KIF6: variants seen among roughly 807,000 people sequenced by gnomAD.
The protein encoded by KIF6 is kinesin family member 6.
KIF6 carries 106 observed loss-of-function variants against 112.7 expected under a neutral mutation model. That is an observed-to-expected ratio of 0.94 (90% CI 0.80 to 1.11). KIF6 has a LOEUF of 1.11. Ranked by LOEUF, KIF6 falls within the 50% of genes least tolerant of loss-of-function variation. The pLI, the probability that KIF6 is intolerant of heterozygous loss-of-function variation, is 0.00. For missense variants in KIF6, 929 were observed against 964.0 expected (o/e 0.96, Z 0.48); for synonymous variants, 339 against 339.9 (o/e 1.00, Z 0.03).
chr6:39,496,190 T>C (rs538288912), intron 13 of KIF6, among the ~76,000 whole-genome samples: 1 of 152,174 alleles, frequency 6.6e-6, no homozygotes, highest in Non-Finnish European at 1.5e-5. Context: ...GTGCCCACTA[T>C]CTACCGACAG....
chr6:39,545,819 G>A, intron 10 of KIF6, 131 bp from the exon 11 acceptor site: 2 of 540,322 alleles, frequency 3.7e-6, no homozygotes, highest in Non-Finnish European at 6.5e-6. Context: ...ACAGATTTGA[G>A]TATAAAAATT....
At chr6:39,679,748 T>G (rs1787396402) in intron 3 of KIF6, among the ~76,000 whole-genome samples, 2 of 151,256 alleles carry the variant, frequency 1.3e-5, no homozygotes, top group African/African-American at 4.9e-5. Flanking sequence ...CCCGAGTAGC[T>G]GGGACTACAG....
chr6:39,486,599 C>T (rs1775128820), intron 13 of KIF6, among the ~76,000 whole-genome samples: 1 of 152,206 alleles, frequency 6.6e-6, no homozygotes, highest in South Asian at 2.1e-4. Flanking sequence ...GAACAGTGTT[C>T]ATCAAATTTT....
intron 10 of KIF6, among the ~76,000 whole-genome samples, chr6:39,576,932 A>G (rs1038773183): frequency 1.2e-4 from 19 of 152,238 alleles, no homozygotes; most frequent in African/African-American, 4.6e-4. Flanking sequence ...TTCAAAGACA[A>G]TAATTGGTAA....
At chr6:39,414,167 T>A (rs1057205595) in intron 15 of KIF6, among the ~76,000 whole-genome samples, 5 of 152,202 alleles carry the variant, frequency 3.3e-5, no homozygotes, top group African/African-American at 1.2e-4. Flanking sequence ...ACATTTTGAT[T>A]TTCTGGTCCC....
intron 13 of KIF6, among the ~76,000 whole-genome samples, chr6:39,464,248 C>T (rs976660734): frequency 2.0e-5 from 3 of 152,152 alleles, no homozygotes; most frequent in Middle Eastern, 3.4e-3. Context: ...TATGTTGGCC[C>T]GGCTTTGATT....
At position 39,653,849 on chromosome 6, in the gene KIF6, T is replaced by C. The variant is rs549606088; in HGVS notation, c.252-14092A>G. Reference sequence around the variant, plus strand: ...GTAGTTTCATAGACTTCTCTGGGCATAAAGCTGGGAATGTGGTCCTCTGAA... The same window carrying C: ...GTAGTTTCATAGACTTCTCTGGGCACAAAGCTGGGAATGTGGTCCTCTGAA... On this transcript the variant is annotated intron_variant, in intron 3 of 22. Coordinates refer to ENST00000287152, the MANE Select transcript of KIF6 (RefSeq NM_145027.6). Among the ~76,000 whole-genome samples, 8 of 152,288 alleles carry C rather than the reference T, an allele frequency of 5.3e-5. 1 individual carries two copies. The South Asian group carries it at 1.7e-3, about 32-fold the overall frequency.
At position 39,357,209 on chromosome 6, in the gene KIF6, T is replaced by C. The variant is rs996091448; in HGVS notation, c.2180+68A>G. The stretch of plus-strand genomic sequence containing the variant: ...TCAAGAGACATGAGAGCCACAGGAA[T>C]AGGTTAAACAGAAAGGTAGGGAGCC... On this transcript the variant is annotated intron_variant, in intron 19 of 22. Coordinates refer to ENST00000287152, the MANE Select transcript of KIF6 (RefSeq NM_145027.6). The C allele has an allele frequency of 4.0e-5, 36 of 890,736 alleles. No individual in the cohort carries two copies. The Admixed American group carries it at 6.5e-4, about 16-fold the overall frequency. The allele number at this position is 890,736 out of a possible 1,614,324, so 55.2% of individuals were successfully genotyped here.
intron 12 of KIF6, among the ~76,000 whole-genome samples, chr6:39,541,057 T>C (rs2150563909): frequency 6.6e-6 from 1 of 152,320 alleles, no homozygotes. Flanking sequence ...TGGGGTAAGA[T>C]GAATTCAATG....
At chr6:39,677,237 A>T (rs1787198129) in intron 3 of KIF6, among the ~76,000 whole-genome samples, 1 of 152,126 alleles carries the variant, frequency 6.6e-6, no homozygotes, top group African/African-American at 2.4e-5. Flanking sequence ...ATTACATAGG[A>T]TAAAAGAGAG....
chr6:39,419,686 C>T (rs1770207793), intron 15 of KIF6, among the ~76,000 whole-genome samples: 1 of 152,164 alleles, frequency 6.6e-6, no homozygotes, highest in South Asian at 2.1e-4. Context: ...GGGAAAAGCA[C>T]AACTCTCTGA....
intron 16 of KIF6, among the ~76,000 whole-genome samples, chr6:39,366,135 T>C (rs1216726704): frequency 6.6e-6 from 1 of 152,216 alleles, no homozygotes; most frequent in Admixed American, 6.5e-5. Flanking sequence ...ACATTCTGAA[T>C]GCAGCTGACA....
intron 6 of KIF6, among the ~76,000 whole-genome samples, chr6:39,597,864 T>C (rs753006214): frequency 1.3e-5 from 2 of 151,962 alleles, no homozygotes; most frequent in African/African-American, 2.4e-5. Context: ...GACAAAACAT[T>C]AATAATAAAT....
At chr6:39,386,190 A>G (rs556804385) in intron 15 of KIF6, among the ~76,000 whole-genome samples, 4 of 152,374 alleles carry the variant, frequency 2.6e-5, no homozygotes, top group South Asian at 2.1e-4. Flanking sequence ...TATGATGCAC[A>G]GAGAACAGTG....
chr6:39,601,094 T>C (rs532058909), intron 6 of KIF6, among the ~76,000 whole-genome samples: 6 of 152,266 alleles, frequency 3.9e-5, no homozygotes, highest in East Asian at 1.9e-4. Flanking sequence ...TTGTTCTGTA[T>C]AGCAGATTGG....
intron 16 of KIF6, among the ~76,000 whole-genome samples, chr6:39,365,481 G>GACTCCATGAGTC (rs1765492244): frequency 6.6e-6 from 1 of 152,170 alleles, no homozygotes; most frequent in Admixed American, 6.5e-5. Flanking sequence ...GCTGTGTTCA[G>GACTCCATGAGTC]ACTCCATGAG....
intron 13 of KIF6, among the ~76,000 whole-genome samples, chr6:39,458,193 C>T (rs946963460): frequency 5.4e-5 from 8 of 147,326 alleles, no homozygotes; most frequent in Non-Finnish European, 6.0e-5. Flanking sequence ...GGGCTTCATC[C>T]CTGGGATGCA....
chr6:39,360,217 A>G (rs767641701), intron 18 of KIF6, among the ~76,000 whole-genome samples, 178 bp downstream of exon 18: 1 of 152,196 alleles, frequency 6.6e-6, no homozygotes, highest in Non-Finnish European at 1.5e-5. Context: ...GACAGCAAGG[A>G]AACAATGAAC....
chr6:39,385,354 T>C (rs1270701740), intron 16 of KIF6, among the ~76,000 whole-genome samples: 1 of 151,624 alleles, frequency 6.6e-6, no homozygotes, highest in South Asian at 2.1e-4. Flanking sequence ...TAGGTGGGGA[T>C]GTGGGGTGGG....
Sources: allele counts gnomAD v4.1 joint callset (sites outside exome capture counted in the v4.1 genomes callset), GRCh38; gene constraint gnomAD v4.1.1; transcripts MANE v1.5; gene names NCBI Gene and HGNC (gene_info 2026-07-23, HGNC 2026-07-21).